Variants in NKAIN2 observed in about 807,000 individuals in gnomAD.
NKAIN2 encodes the protein sodium/potassium transporting ATPase interacting 2, also known as sodium/potassium-transporting ATPase subunit beta-1-interacting protein 2.
A neutral mutation model predicts 32.6 loss-of-function variants in NKAIN2; 14 were observed. The ratio of observed to expected loss-of-function variants is 0.43; its 90% CI spans 0.28 to 0.67. The LOEUF (loss-of-function observed/expected upper bound fraction) is 0.67. Among genes scored for constraint, NKAIN2 ranks in the 30% least tolerant of loss-of-function variants. The probability of loss-of-function intolerance (pLI) is 0.17; values close to 1 mark genes in which losing one functional copy is unlikely to be tolerated. For missense variants in NKAIN2, 198 were observed against 258.3 expected, an observed-to-expected ratio of 0.77 and a Z score of 1.60; for synonymous variants, 80 against 87.2, an observed-to-expected ratio of 0.92 and a Z score of 0.46.
intron 1 of NKAIN2, among the ~76,000 whole-genome samples, chr6:124,027,374 C>T (rs1274373773): frequency 6.6e-6 from 1 of 152,126 alleles, no homozygotes; most frequent in Non-Finnish European, 1.5e-5. Flanking sequence ...CTCCTGACCT[C>T]AGGTGATCTG....
chr6:123,806,517 A>G (rs112406457), intron 1 of NKAIN2, among the ~76,000 whole-genome samples: 167 of 152,182 alleles, frequency 1.1e-3, no homozygotes, highest in African/African-American at 3.7e-3. Context: ...GCAAATTAAT[A>G]GTTGCAAAGC....
At chr6:123,829,366 CTG>C (rs1055292226) in intron 1 of NKAIN2, 10 of 152,140 alleles carry the variant, frequency 6.6e-5, no homozygotes, top group African/African-American at 2.4e-4. Context: ...TTATCAAACT[CTG>C]TGTGTTTGTT....
intron 2 of NKAIN2, among the ~76,000 whole-genome samples, chr6:124,341,030 G>A (rs1285780043): frequency 6.6e-6 from 1 of 152,116 alleles, no homozygotes; most frequent in Non-Finnish European, 1.5e-5. Flanking sequence ...TAAAAGTCAT[G>A]TTTATATGTT....
At chr6:124,218,741 A>T (rs1416322276) in intron 1 of NKAIN2, among the ~76,000 whole-genome samples, 1 of 152,226 alleles carries the variant, frequency 6.6e-6, no homozygotes, top group Non-Finnish European at 1.5e-5. Flanking sequence ...CTCTGTAAAA[A>T]AATCATCTAA....
chr6:124,597,747 G>T (rs541081603), intron 3 of NKAIN2, among the ~76,000 whole-genome samples: 1 of 152,180 alleles, frequency 6.6e-6, no homozygotes, highest in African/African-American at 2.4e-5. Flanking sequence ...TCAACTTCTG[G>T]CTTCCTCTAA....
At chr6:123,865,581 CTAAAA>C (rs1195780671) in intron 1 of NKAIN2, among the ~76,000 whole-genome samples, 4 of 152,048 alleles carry the variant, frequency 2.6e-5, no homozygotes, top group South Asian at 2.1e-4. Context: ...TATGTGTAAA[CTAAAA>C]TATTTCCAAA....
chr6:124,380,344 A>G (rs948014813), intron 3 of NKAIN2, among the ~76,000 whole-genome samples: 11 of 152,238 alleles, frequency 7.2e-5, no homozygotes, highest in African/African-American at 2.2e-4. Context: ...GCAGCAAGAC[A>G]ATATTTCCTA....
Position 124,074,600 on chromosome 6 carries a change from G to A in NKAIN2, c.55-208405G>A, listed in dbSNP as rs549432808. ...GATGGTGAGCCTTTATCAGCTCCAGGGTAAGTGCTTCTCTGGTTCCAACCA... is the reference window on the plus strand; with the variant it reads ...GATGGTGAGCCTTTATCAGCTCCAGAGTAAGTGCTTCTCTGGTTCCAACCA... On this transcript the variant is annotated intron_variant, in intron 1 of 6. Transcript: ENST00000368417. Among the ~76,000 whole-genome samples, 21 of 152,146 alleles carry A rather than the reference G, an allele frequency of 1.4e-4. 1 individual carries two copies. The highest frequency in any genetic ancestry group is 7.4e-5 in the Non-Finnish European group (5 of 68,006).
intron 1 of NKAIN2, among the ~76,000 whole-genome samples, chr6:123,948,937 G>C (rs899321743): frequency 9.9e-5 from 15 of 151,642 alleles, no homozygotes; most frequent in African/African-American, 3.4e-4. Flanking sequence ...TTGGTTTTCG[G>C]ATATAGCAAG....
chr6:124,606,996 C>T (rs1782526969), intron 3 of NKAIN2, among the ~76,000 whole-genome samples: 1 of 152,102 alleles, frequency 6.6e-6, no homozygotes, highest in South Asian at 2.1e-4. Flanking sequence ...TAAAGATGAA[C>T]TGTCAGCAAT....
At chr6:124,794,915 T>G in intron 5 of NKAIN2, 1 of 811,680 alleles carries the variant, frequency 1.2e-6, no homozygotes, top group Non-Finnish European at 1.5e-6. Flanking sequence ...ATTTTGGTAA[T>G]TATATTACAA....
At chr6:123,904,573 A>T (rs1166352308) in intron 1 of NKAIN2, among the ~76,000 whole-genome samples, 5 of 152,216 alleles carry the variant, frequency 3.3e-5, no homozygotes, top group Non-Finnish European at 5.9e-5. Context: ...GTACACTTAA[A>T]TTGCAGCACT....
At chr6:124,395,889 T>A (rs912427219) in intron 3 of NKAIN2, among the ~76,000 whole-genome samples, 4 of 152,138 alleles carry the variant, frequency 2.6e-5, no homozygotes, top group Non-Finnish European at 5.9e-5. Flanking sequence ...TAAGTATCAT[T>A]TAGTCTTGTG....
At chr6:123,878,965 C>G (rs1326565124) in intron 1 of NKAIN2, among the ~76,000 whole-genome samples, 2 of 152,222 alleles carry the variant, frequency 1.3e-5, no homozygotes, top group Admixed American at 6.5e-5. Context: ...TTCCTACATT[C>G]TGCACTCTGC....
At chr6:123,893,533 G>A (rs1016324355) in intron 1 of NKAIN2, among the ~76,000 whole-genome samples, 1 of 152,144 alleles carries the variant, frequency 6.6e-6, no homozygotes, top group Non-Finnish European at 1.5e-5. Context: ...AGCTCTAAAA[G>A]ATAAAAACTC....
intron 3 of NKAIN2, among the ~76,000 whole-genome samples, chr6:124,443,660 T>A (rs1775781157): frequency 6.6e-6 from 1 of 152,092 alleles, no homozygotes; most frequent in Non-Finnish European, 1.5e-5. Flanking sequence ...AGATACTGAT[T>A]TTACTGTCTT....
intron 1 of NKAIN2, among the ~76,000 whole-genome samples, chr6:123,933,310 A>G (rs1299739735): frequency 1.3e-5 from 2 of 152,184 alleles, no homozygotes; most frequent in African/African-American, 4.8e-5. Flanking sequence ...GTTCATCTCT[A>G]TATTTTGCAG....
chr6:123,869,412 C>T (rs1356325910), intron 1 of NKAIN2, among the ~76,000 whole-genome samples: 2 of 152,186 alleles, frequency 1.3e-5, no homozygotes, highest in Admixed American at 1.3e-4. Flanking sequence ...AGCTCTCATA[C>T]TCCCTTCAAG....
intron 1 of NKAIN2, among the ~76,000 whole-genome samples, chr6:124,127,789 A>C (rs940004286): frequency 2.0e-5 from 3 of 151,798 alleles, no homozygotes; most frequent in Admixed American, 6.6e-5. Flanking sequence ...AGGAGGAGAC[A>C]GAAGGCCCCA....
Sources: gnomAD v4.1 joint callset for allele counts (sites outside exome capture counted in the v4.1 genomes callset) on GRCh38, gnomAD v4.1.1 for gene constraint, MANE v1.5 for transcripts, NCBI Gene and HGNC (gene_info 2026-07-23, HGNC 2026-07-21) for gene names.